ARTN: variants seen among roughly 807,000 people sequenced by gnomAD.
ARTN encodes the protein artemin, also known as neublastin.
In ARTN, 9 loss-of-function variants were observed where a neutral mutation model predicts 15.4. The ratio of observed to expected loss-of-function variants is 0.58; its 90% CI spans 0.35 to 1.02. ARTN has a LOEUF of 1.02. ARTN is among the 50% of genes least tolerant of loss of function. The pLI is 0.02. For missense variants in ARTN, 284 were observed against 327.9 expected (o/e 0.87, Z 1.03); for synonymous variants, 163 against 155.8 (o/e 1.05, Z -0.35).
In ARTN at chr1:43,936,625, C is replaced by A. The variant is rs751487648; in HGVS notation, c.523C>A (p.Arg175=). Residue 175 remains arginine (R), a synonymous_variant, in exon 5 of 5, where the codon CGA becomes AGA. Transcript: ENST00000372359. This position sits in a 1 kb window ranked among gnomAD's most constrained non-coding sequence, Gnocchi z 6.6. ...LASLLGAGAL[R]PPPGSRPVSQ... ...CAGCCTACTGGGCGCCGGGGCCCTG[C>A]GACCGCCCCCGGGCTCCCGGCCCGT... 2.5e-6 allele frequency: 4 copies of A among 1,592,834 alleles called. No individual in the cohort carries two copies. Among genetic ancestry groups the A allele is most frequent in the East Asian group, 2.3e-5 (1 of 43,378 alleles).
At chr1:43,935,907 C>A in intron 3 of ARTN, 186 bp from the exon 4 acceptor site, 2 of 933,566 alleles carry the variant, frequency 2.1e-6, no homozygotes, top group South Asian at 1.6e-5. Context: ...CTCCCCTGGG[C>A]TCCCAGAGGC....
chr1:43,936,945 C>A lies in ARTN; in HGVS notation c.*180C>A. 2 of 882,988 alleles carry A rather than the reference C, an allele frequency of 2.3e-6. No individual in the cohort carries two copies. The highest frequency in any genetic ancestry group is 3.0e-6 in the Non-Finnish European group (2 of 660,860). The allele number at this position is 882,988 out of a possible 1,614,324, so 54.7% of individuals were successfully genotyped here. On this transcript the variant is annotated 3_prime_UTR_variant, in exon 5 of 5. Coordinates refer to ENST00000372359, the MANE Select transcript of ARTN (RefSeq NM_057091.3). The surrounding 1 kb of genome is among the most constrained non-coding windows in gnomAD (Gnocchi z 6.6). ...AACAGGTGAAGGGACAACTGACTAG[C>A]AGCCCCAGAGCCCTCACCCTGCGGA...
rs75209795 is a variant in ARTN, at chr1:43,937,122, G to A, written c.*357G>A. On this transcript the variant is annotated 3_prime_UTR_variant, in exon 5 of 5. Transcript: ENST00000372359. The stretch of plus-strand genomic sequence containing the variant: ...CATCAGCCCCCGCCCAGGCCCTGTA[G>A]GGACAGCATTTGAAGGACACATATT... 0.045 allele frequency: 9,666 copies of A among 213,178 alleles called. 251 individuals are homozygous for A. The highest frequency in any genetic ancestry group is 0.13 in the East Asian group (1,350 of 10,290). The allele number at this position is 213,178 out of a possible 1,614,324, so 13.2% of individuals were successfully genotyped here.
chr1:43,936,099 C>T lies in ARTN; in HGVS notation c.67C>T (p.Leu23=). The T allele has an allele frequency of 1.2e-6, 2 of 1,611,508 alleles. No homozygotes were observed. Among genetic ancestry groups the T allele is most frequent in the Non-Finnish European group, 1.7e-6 (2 of 1,179,924 alleles). ...HCPWPRQQPA[L]WPTLAALALL... ...ACTTGGTCTCTCCGCGCAGCCTGCC[C>T]TGTGGCCCACCCTGGCCGCTCTGGC... The change falls in exon 4 of 5, where the codon CTG becomes TTG. Residue 23 remains leucine, a synonymous_variant. Coordinates refer to ENST00000372359, the MANE Select transcript of ARTN (RefSeq NM_057091.3). The surrounding 1 kb of genome is among the most constrained non-coding windows in gnomAD (Gnocchi z 6.6).
Position 43,935,682 on chromosome 1 carries a change from C to T in ARTN, c.26C>T (p.Ser9Phe), listed in dbSNP as rs2085083506. 1.9e-6 allele frequency: 3 copies of T among 1,613,430 alleles called. No homozygotes were observed. The highest frequency in any genetic ancestry group is 4.5e-5 in the East Asian group (2 of 44,862). MELGLGGL[S>F]TLSHCPWPRQ... is the part of the protein sequence containing the mutation. ...ATGGAACTTGGACTTGGAGGCCTCT[C>T]CACGCTGTCCCACTGCCCCTGGCCT... The change falls in exon 3 of 5, where the codon TCC (serine) becomes TTC (phenylalanine). Residue 9 changes from serine to phenylalanine, a missense_variant. By Grantham distance (155) the Ser-to-Phe change is radical. Transcript: ENST00000372359.
At chr1:43,935,920 C>A in intron 3 of ARTN, 173 bp from the exon 4 acceptor site, 1 of 1,003,264 alleles carries the variant, frequency 1.0e-6, no homozygotes, top group Non-Finnish European at 1.5e-6. Flanking sequence ...CCAGAGGCAG[C>A]AAACCCATTA....
rs777179200 is a variant in ARTN, at chr1:43,936,525, C to T, written c.423C>T (p.Ser141=). Residue 141 remains serine (S), a synonymous_variant, in exon 5 of 5, where the codon TCC becomes TCT. Coordinates refer to ENST00000372359, the MANE Select transcript of ARTN (RefSeq NM_057091.3). This position sits in a 1 kb window ranked among gnomAD's most constrained non-coding sequence, Gnocchi z 6.6. The part of the protein sequence containing the change: ...PVRALGLGHR[S]DELVRFRFCS... ...GCGCGCTCGGCCTGGGCCACCGCTCCGACGAGCTGGTGCGTTTCCGCTTCT... is the reference window on the plus strand; with the variant it reads ...GCGCGCTCGGCCTGGGCCACCGCTCTGACGAGCTGGTGCGTTTCCGCTTCT... The T allele has an allele frequency of 1.3e-6, 2 of 1,487,486 alleles. No individual in the cohort carries two copies. The highest frequency in any genetic ancestry group is 2.4e-4 in the Middle Eastern group (1 of 4,204). 92.1% of individuals were successfully genotyped at this position (1,487,486 alleles called of 1,614,324 possible). A position where few individuals can be genotyped will look rare whatever the true frequency, so the allele number is the denominator to read the frequency against.
intron 2 of ARTN, chr1:43,935,293 G>A (rs1166879290): frequency 7.4e-6 from 2 of 271,438 alleles, no homozygotes; most frequent in African/African-American, 2.3e-5. Context: ...CGCAGAGCAG[G>A]AAGGTTCTGG....
At position 43,936,405 on chromosome 1, in the gene ARTN, CG is replaced by C. The variant is rs1391879297; in HGVS notation, c.308del (p.Gly103AlafsTer158). The C allele has an allele frequency of 1.7e-6, 2 of 1,185,768 alleles. No individual in the cohort carries two copies. The highest frequency in any genetic ancestry group is 3.6e-5 in the East Asian group (1 of 27,656). The allele number at this position is 1,185,768 out of a possible 1,614,324, so 73.5% of individuals were successfully genotyped here. On this transcript the variant is annotated frameshift_variant, in exon 5 of 5. Coordinates refer to ENST00000372359, the MANE Select transcript of ARTN (RefSeq NM_057091.3). LOFTEE classifies it high-confidence loss of function. The surrounding 1 kb of genome is among the most constrained non-coding windows in gnomAD (Gnocchi z 6.6). Reference sequence around the variant, plus strand: ...CTGCACCCCCATCTGCTCTTCCCCGCGGGGGCCGCGCGGCGCGGGCTGGGGG... The same window carrying C: ...CTGCACCCCCATCTGCTCTTCCCCGCGGGGCCGCGCGGCGCGGGCTGGGGG... ...PPAPPSALPR[G>X]GRAARAGGPG...
At position 43,935,572 on chromosome 1, in the gene ARTN, C is replaced by T. The variant is rs755132391; in HGVS notation, c.-67-18C>T. The T allele has an allele frequency of 1.6e-5, 22 of 1,409,378 alleles. No individual in the cohort carries two copies. Among genetic ancestry groups the T allele is most frequent in the Non-Finnish European group, 2.2e-5 (22 of 1,019,008 alleles). 87.3% of individuals were successfully genotyped at this position (1,409,378 alleles called of 1,614,324 possible). The stretch of plus-strand genomic sequence containing the variant: ...GGCCGGTCCCCCACAAAAGATAACT[C>T]ATCTCTTAATTTGCAAGCTGCCTCA... On this transcript the variant is annotated intron_variant, in intron 2 of 4. Transcript: ENST00000372359.
In ARTN at chr1:43,936,650, TC is replaced by T. The variant is rs1447227105; in HGVS notation, c.549del (p.Ser184AlafsTer77). On this transcript the variant is annotated frameshift_variant, in exon 5 of 5. Transcript: ENST00000372359. LOFTEE classifies it high-confidence loss of function. This position sits in a 1 kb window ranked among gnomAD's most constrained non-coding sequence, Gnocchi z 6.6. ...ALRPPPGSRP[V>X]SQPCCRPTRY... is the part of the protein sequence containing the mutation. Reference sequence around the variant, plus strand: ...CGACCGCCCCCGGGCTCCCGGCCCGTCAGCCAGCCCTGCTGCCGACCCACGC... The same window carrying T: ...CGACCGCCCCCGGGCTCCCGGCCCGTAGCCAGCCCTGCTGCCGACCCACGC... The T allele has an allele frequency of 6.3e-7, 1 of 1,594,956 alleles. No individual in the cohort carries two copies. The highest frequency in any genetic ancestry group is 8.5e-7 in the Non-Finnish European group (1 of 1,171,442).
rs2085088663 is a variant in ARTN, at chr1:43,936,046, T to C, written c.61-47T>C. ...GAGGTCCTTCCTCCCCAAGCCCACC[T>C]GGGTGCCCTCTTTCTCCCTGAGGCT... On this transcript the variant is annotated intron_variant, in intron 3 of 4. Transcript: ENST00000372359. The surrounding 1 kb of genome is among the most constrained non-coding windows in gnomAD (Gnocchi z 6.6). The C allele has an allele frequency of 6.2e-7, 1 of 1,613,478 alleles. No individual in the cohort carries two copies. Among genetic ancestry groups the C allele is most frequent in the Non-Finnish European group, 8.5e-7 (1 of 1,179,892 alleles).
rs1307881149 is a variant in ARTN at position 43,936,630 on chromosome 1, G to A, written c.528G>A (p.Pro176=). Residue 176 remains proline, a synonymous_variant, in exon 5 of 5, where the codon CCG becomes CCA. Coordinates refer to ENST00000372359, the MANE Select transcript of ARTN (RefSeq NM_057091.3). The surrounding 1 kb of genome is among the most constrained non-coding windows in gnomAD (Gnocchi z 6.6). ...TACTGGGCGCCGGGGCCCTGCGACCGCCCCCGGGCTCCCGGCCCGTCAGCC... is the reference window on the plus strand; with the variant it reads ...TACTGGGCGCCGGGGCCCTGCGACCACCCCCGGGCTCCCGGCCCGTCAGCC... ...ASLLGAGALR[P]PPGSRPVSQP... 6.3e-7 allele frequency: 1 copy of A among 1,593,414 alleles called. No homozygotes were observed. The highest frequency in any genetic ancestry group is 8.5e-7 in the Non-Finnish European group (1 of 1,170,602).
At chr1:43,935,143 C>T (rs1049765914) in intron 2 of ARTN, among the ~76,000 whole-genome samples, 1 of 152,162 alleles carries the variant, frequency 6.6e-6, no homozygotes. Flanking sequence ...TTAGATAACT[C>T]TTAGAGTGAC....
chr1:43,936,723 C>A lies in ARTN; in HGVS notation c.621C>A (p.Thr207=). The change falls in exon 5 of 5, where the codon ACC becomes ACA. Residue 207 remains threonine, a synonymous_variant. Transcript: ENST00000372359. This position sits in a 1 kb window ranked among gnomAD's most constrained non-coding sequence, Gnocchi z 6.6. ...TGGACGTCAACAGCACCTGGAGAAC[C>A]GTGGACCGCCTCTCCGCCACCGCCT... ...SFMDVNSTWR[T]VDRLSATACG... is the part of the protein sequence containing the mutation. The A allele has an allele frequency of 6.4e-7, 1 of 1,558,004 alleles. No homozygotes were observed. Among genetic ancestry groups the A allele is most frequent in the Non-Finnish European group, 8.7e-7 (1 of 1,146,168 alleles).
At position 43,936,053 on chromosome 1, in the gene ARTN, C is replaced by G; in HGVS notation, c.61-40C>G. ...TTCCTCCCCAAGCCCACCTGGGTGC[C>G]CTCTTTCTCCCTGAGGCTCCACTTG... On this transcript the variant is annotated intron_variant, in intron 3 of 4. Transcript: ENST00000372359. This position sits in a 1 kb window ranked among gnomAD's most constrained non-coding sequence, Gnocchi z 6.6. 1 of 1,613,626 alleles carries G rather than the reference C, an allele frequency of 6.2e-7. No individual in the cohort carries two copies. Among genetic ancestry groups the G allele is most frequent in the Non-Finnish European group, 8.5e-7 (1 of 1,179,938 alleles).
At position 43,936,016 on chromosome 1, in the gene ARTN, T is replaced by A. The variant is rs1175299867; in HGVS notation, c.61-77T>A. 2 of 1,597,592 alleles carry A rather than the reference T, an allele frequency of 1.3e-6. No homozygotes were observed. The highest frequency in any genetic ancestry group is 1.7e-6 in the Non-Finnish European group (2 of 1,166,358). The stretch of plus-strand genomic sequence containing the variant: ...CTGATCTCAGCCCGAGGACAGCCCC[T>A]CCTTGAGGTCCTTCCTCCCCAAGCC... On this transcript the variant is annotated intron_variant, in intron 3 of 4. Coordinates refer to ENST00000372359, the MANE Select transcript of ARTN (RefSeq NM_057091.3). The surrounding 1 kb of genome is among the most constrained non-coding windows in gnomAD (Gnocchi z 6.6).
Position 43,936,629 on chromosome 1 carries a change from C to T in ARTN, c.527C>T (p.Pro176Leu), listed in dbSNP as rs780932734. 1.3e-6 allele frequency: 2 copies of T among 1,593,768 alleles called. No individual in the cohort carries two copies. The highest frequency in any genetic ancestry group is 3.4e-5 in the Admixed American group (2 of 58,388). Residue 176 changes from proline (P) to leucine (L), a missense_variant, in exon 5 of 5, where the codon CCG becomes CTG. Coordinates refer to ENST00000372359, the MANE Select transcript of ARTN (RefSeq NM_057091.3). The surrounding 1 kb of genome is among the most constrained non-coding windows in gnomAD (Gnocchi z 6.6). ...CTACTGGGCGCCGGGGCCCTGCGAC[C>T]GCCCCCGGGCTCCCGGCCCGTCAGC... ...ASLLGAGALR[P>L]PPGSRPVSQP...
At position 43,935,611 on chromosome 1, in the gene ARTN, G is replaced by T. The variant is rs373820223; in HGVS notation, c.-46G>T. 3.8e-6 allele frequency: 6 copies of T among 1,597,340 alleles called. No individual in the cohort carries two copies. The African/African-American group carries it at 5.4e-5, about 14-fold the overall frequency. ...CAAGCTGCCTCAACAGGAGGGTGGG[G>T]GAACAGCTCAACAATGGCTGATGGG... On this transcript the variant is annotated 5_prime_UTR_variant, in exon 3 of 5. Coordinates refer to ENST00000372359, the MANE Select transcript of ARTN (RefSeq NM_057091.3).
Sources: allele counts gnomAD v4.1 joint callset (sites outside exome capture counted in the v4.1 genomes callset), GRCh38; gene constraint gnomAD v4.1.1; non-coding constraint Gnocchi (gnomAD v3.1); transcripts MANE v1.5; gene names NCBI Gene and HGNC (gene_info 2026-07-23, HGNC 2026-07-21).